Variants in CABLES1 observed in about 807,000 individuals in gnomAD.
The protein encoded by CABLES1 is CDK5 and ABL1 enzyme substrate 1.
Under a neutral mutation model 57.8 loss-of-function variants are expected in CABLES1, and 36 were observed. The observed-to-expected ratio is 0.62, with a 90% CI of 0.48 to 0.82. The LOEUF is 0.82. Ranked by LOEUF, CABLES1 falls within the 40% of genes least tolerant of loss-of-function variation. The pLI, the probability that CABLES1 is intolerant of heterozygous loss-of-function variation, is 0.00. For synonymous variants in CABLES1, 374 were observed against 363.0 expected, an observed-to-expected ratio of 1.03 and a Z score of -0.35; for missense variants, 767 against 836.6, an observed-to-expected ratio of 0.92 and a Z score of 1.03.
At chr18:23,249,315 A>G (rs2047981252) in intron 7 of CABLES1, among the ~76,000 whole-genome samples, 1 of 152,206 alleles carries the variant, frequency 6.6e-6, no homozygotes, top group African/African-American at 2.4e-5. Context: ...CAGATAATAG[A>G]GTAGAATGGA....
intron 1 of CABLES1, among the ~76,000 whole-genome samples, chr18:23,179,426 C>T (rs1421375438): frequency 6.6e-6 from 1 of 152,158 alleles, no homozygotes; most frequent in African/African-American, 2.4e-5. Context: ...TTTTGAATTC[C>T]TTTGGTCTGT....
At chr18:23,169,719 A>T (rs1342798956) in intron 1 of CABLES1, among the ~76,000 whole-genome samples, 2 of 152,236 alleles carry the variant, frequency 1.3e-5, no homozygotes, top group Non-Finnish European at 2.9e-5. Flanking sequence ...CTAACACAGC[A>T]GCAGAAACGG....
chr18:23,206,854 A>T (rs2145043710), intron 3 of CABLES1, among the ~76,000 whole-genome samples: 1 of 140,726 alleles, frequency 7.1e-6, no homozygotes, highest in Middle Eastern at 3.8e-3. Context: ...TTGCTCTGTC[A>T]CCCAGGAATA....
At chr18:23,154,374 T>C (rs984889548) in intron 1 of CABLES1, among the ~76,000 whole-genome samples, 1 of 152,096 alleles carries the variant, frequency 6.6e-6, no homozygotes, top group Admixed American at 6.6e-5. Flanking sequence ...TTATTGGTGG[T>C]TTTTCATAAT....
chr18:23,181,923 C>T (rs1002685242), intron 1 of CABLES1, among the ~76,000 whole-genome samples: 2 of 152,184 alleles, frequency 1.3e-5, no homozygotes, highest in South Asian at 2.1e-4. Context: ...TAATCATGAC[C>T]TCAGCTCCTT....
chr18:23,219,054 C>CG, intron 4 of CABLES1: 1 of 390,122 alleles, frequency 2.6e-6, no homozygotes, highest in Non-Finnish European at 5.1e-6. Flanking sequence ...CCCACCCCCC[C>CG]GCAAGTGCCT....
Position 23,221,632 on chromosome 18 carries a change from C to T in CABLES1, c.1088+7578C>T, listed in dbSNP as rs1017001938. Among the ~76,000 whole-genome samples the T allele has an allele frequency of 5.3e-5, 8 of 152,196 alleles. No individual in the cohort carries two copies. In the East Asian group the frequency reaches 5.8e-4, roughly 11 times the overall value. On this transcript the variant is annotated intron_variant, in intron 4 of 9. Coordinates refer to ENST00000256925, the MANE Select transcript of CABLES1 (RefSeq NM_001100619.3). ...GCTCTTCCCATGGAAGTGCTGTTGA[C>T]GCTGCCATCTGGGGCCCCCACCTTA...
chr18:23,226,214 C>G (rs753079650), intron 4 of CABLES1, among the ~76,000 whole-genome samples: 66 of 152,112 alleles, frequency 4.3e-4, no homozygotes, highest in Non-Finnish European at 8.5e-4. Context: ...CCAGCCTGGC[C>G]AACATAGTGA....
intron 9 of CABLES1, among the ~76,000 whole-genome samples, chr18:23,256,019 T>TACATGGGGTGAGGCCTTCCTC (rs2048156232): frequency 6.6e-6 from 1 of 152,198 alleles, no homozygotes; most frequent in African/African-American, 2.4e-5. Flanking sequence ...TGGCCTTCCT[T>TACATGGGGTGAGGCCTTCCTC]ACATGGGGTG....
intron 3 of CABLES1, among the ~76,000 whole-genome samples, chr18:23,195,049 C>A (rs1402319866): frequency 3.9e-5 from 6 of 152,138 alleles, no homozygotes; most frequent in South Asian, 2.1e-4. Flanking sequence ...CTGGGCCAGC[C>A]AACATCTGGA....
intron 4 of CABLES1, among the ~76,000 whole-genome samples, chr18:23,224,591 CAG>C (rs1438293890): frequency 9.1e-6 from 1 of 110,174 alleles, no homozygotes; most frequent in Non-Finnish European, 1.7e-5. Context: ...TTTTTGGAGA[CAG>C]AGTCTCTCTC....
intron 1 of CABLES1, among the ~76,000 whole-genome samples, chr18:23,157,341 G>A (rs1312541809): frequency 6.6e-6 from 1 of 152,300 alleles, no homozygotes; most frequent in South Asian, 2.1e-4. Context: ...AGTAAAGGCG[G>A]GGGGGCGGTG....
chr18:23,200,484 G>T (rs1015042533), intron 3 of CABLES1, among the ~76,000 whole-genome samples: 1 of 152,114 alleles, frequency 6.6e-6, no homozygotes, highest in East Asian at 1.9e-4. Flanking sequence ...GGAAGGTCTC[G>T]ATCTCCTGAC....
intron 7 of CABLES1, among the ~76,000 whole-genome samples, chr18:23,243,468 GTTTTTTTTTTTT>G (rs551293348): frequency 2.0e-5 from 2 of 101,878 alleles, no homozygotes; most frequent in Non-Finnish European, 4.1e-5. Flanking sequence ...TGGGTTTGGT[GTTTTTTTTTTTT>G]TTTTTTTTTG....
chr18:23,183,070 G>A (rs2047178619), intron 1 of CABLES1, among the ~76,000 whole-genome samples: 2 of 152,252 alleles, frequency 1.3e-5, no homozygotes, highest in Admixed American at 1.3e-4. Flanking sequence ...GGGCCTTCGG[G>A]ATGGTCAGGC....
intron 4 of CABLES1, among the ~76,000 whole-genome samples, chr18:23,222,997 C>G (rs2047500642): frequency 6.6e-6 from 1 of 152,158 alleles, no homozygotes; most frequent in Non-Finnish European, 1.5e-5. Flanking sequence ...CTGTGCAGTT[C>G]TCTCCGATCA....
At chr18:23,231,736 A>G (rs2047568384) in intron 4 of CABLES1, among the ~76,000 whole-genome samples, 1 of 152,138 alleles carries the variant, frequency 6.6e-6, no homozygotes, top group Non-Finnish European at 1.5e-5. Flanking sequence ...ATCTCATGGA[A>G]TAGAATCTTG....
intron 9 of CABLES1, among the ~76,000 whole-genome samples, chr18:23,255,557 A>ATT (rs397858640): frequency 0.026 from 3,391 of 132,496 alleles, 168 homozygotes; most frequent in African/African-American, 0.093. Context: ...TGAACTAATG[A>ATT]TTTTTTTTTT....
intron 1 of CABLES1, among the ~76,000 whole-genome samples, chr18:23,152,603 G>T (rs913392269): frequency 6.6e-6 from 1 of 150,436 alleles, no homozygotes; most frequent in Non-Finnish European, 1.5e-5. Context: ...TTATGCCTCA[G>T]CCTCCCGAGT....
Sources: gnomAD v4.1 joint callset for allele counts (sites outside exome capture counted in the v4.1 genomes callset) on GRCh38, gnomAD v4.1.1 for gene constraint, MANE v1.5 for transcripts, NCBI Gene and HGNC (gene_info 2026-07-23, HGNC 2026-07-21) for gene names.